The following OTOGL variants were observed in gnomAD, a reference collection of about 807,000 sequenced individuals.
OTOGL encodes the protein otogelin-like protein.
OTOGL carries 285 observed loss-of-function variants against 318.5 expected under a neutral mutation model. The observed-to-expected ratio is 0.89, with a 90% CI of 0.81 to 0.99. The LOEUF (loss-of-function observed/expected upper bound fraction) is 0.99. OTOGL is among the 50% of genes least tolerant of loss of function. The pLI, the probability that OTOGL is intolerant of heterozygous loss-of-function variation, is 0.00. For missense variants in OTOGL, 2,899 were observed against 2,845.6 expected (o/e 1.02, Z -0.43); for synonymous variants, 987 against 936.5 (o/e 1.05, Z -0.99).
chr12:80,136,979 T>C (rs181786351), intron 1 of OTOGL, among the ~76,000 whole-genome samples: 125 of 152,304 alleles, frequency 8.2e-4, no homozygotes, highest in African/African-American at 2.8e-3. Flanking sequence ...CACATGATAG[T>C]GTTAAATAAG....
At chr12:80,312,921 C>T (rs976296867) in intron 30 of OTOGL, among the ~76,000 whole-genome samples, 1 of 152,124 alleles carries the variant, frequency 6.6e-6, no homozygotes, top group African/African-American at 2.4e-5. Flanking sequence ...AAGTGATTCT[C>T]CTGCCTCAGC....
In OTOGL at chr12:80,323,591, G is replaced by C. The variant is rs531514347; in HGVS notation, c.4082-132G>C. 1.3e-5 allele frequency: 9 copies of C among 670,680 alleles called. No individual in the cohort carries two copies. The African/African-American group carries it at 1.4e-4, about 11-fold the overall frequency. The allele number at this position is 670,680 out of a possible 1,614,324, so 41.5% of individuals were successfully genotyped here. On this transcript the variant is annotated intron_variant, in intron 34 of 58. Coordinates refer to ENST00000547103, the MANE Select transcript of OTOGL (RefSeq NM_001378609.3). ...TTGAACCCAGGAGGCAGAGGTTGTG[G>C]TGAATCGAAATAGTGCCACTGCGCT...
At chr12:80,277,798 G>T (rs1363350148) in intron 24 of OTOGL, among the ~76,000 whole-genome samples, 1 of 151,332 alleles carries the variant, frequency 6.6e-6, no homozygotes, top group Non-Finnish European at 1.5e-5. Context: ...AAAATTGTAG[G>T]CCCTATAGAC....
rs1374998739 is a variant in OTOGL, at chr12:80,270,099, T to C, written c.2466-3T>C. ...CATAAATTAACTATTTATTTACTTC[T>C]AGCCAGTGTTCAAATGGGACTGTGA... On this transcript the variant is annotated splice_region_variant and splice_polypyrimidine_tract_variant and intron_variant, in intron 22 of 58. Transcript: ENST00000547103. 4 of 1,593,906 alleles carry C rather than the reference T, an allele frequency of 2.5e-6. No individual in the cohort carries two copies. Among genetic ancestry groups the C allele is most frequent in the Non-Finnish European group, 3.4e-6 (4 of 1,163,526 alleles).
chr12:80,169,110 G>C (rs1375649628), intron 1 of OTOGL, among the ~76,000 whole-genome samples: 4 of 152,130 alleles, frequency 2.6e-5, no homozygotes, highest in Non-Finnish European at 5.9e-5. Context: ...AGTGTACAGT[G>C]TAATATTTCA....
chr12:80,350,329 A>G (rs1462355313), intron 44 of OTOGL, among the ~76,000 whole-genome samples: 1 of 152,154 alleles, frequency 6.6e-6, no homozygotes, highest in African/African-American at 2.4e-5. Flanking sequence ...GGTTGATTCT[A>G]TATTTTGGCT....
At chr12:80,166,452 C>A (rs1211415555) in intron 1 of OTOGL, among the ~76,000 whole-genome samples, 1 of 152,068 alleles carries the variant, frequency 6.6e-6, no homozygotes, top group East Asian at 1.9e-4. Flanking sequence ...GCCAAGTAAA[C>A]CATATTGTCC....
At chr12:80,260,025 C>A (rs1325387848) in intron 18 of OTOGL, among the ~76,000 whole-genome samples, 2 of 151,954 alleles carry the variant, frequency 1.3e-5, no homozygotes, top group Non-Finnish European at 2.9e-5. Flanking sequence ...GGTTTCTTGT[C>A]TTGTTTATCT....
intron 1 of OTOGL, among the ~76,000 whole-genome samples, chr12:80,149,391 G>C (rs944280408): frequency 6.6e-6 from 1 of 152,052 alleles, no homozygotes; most frequent in African/African-American, 2.4e-5. Context: ...GGGGTCAGGG[G>C]TCAGGGACCC....
Position 80,278,228 on chromosome 12 carries a change from T to C in OTOGL, c.2742T>C (p.Asp914=), listed in dbSNP as rs1261928865. 1.9e-6 allele frequency: 3 copies of C among 1,546,962 alleles called. No individual in the cohort carries two copies. Among genetic ancestry groups the C allele is most frequent in the Non-Finnish European group, 2.6e-6 (3 of 1,144,324 alleles). Residue 914 remains aspartate (D), a synonymous_variant, in exon 25 of 59, where the codon GAT becomes GAC. Coordinates refer to ENST00000547103, the MANE Select transcript of OTOGL (RefSeq NM_001378609.3). ...VPESCPCIWK[D]WEYLSGEVIA... is the part of the protein sequence containing the mutation. ...AAAGCTGCCCATGTATTTGGAAAGATTGGGAGTATCTCTCAGGAGAAGTGA... is the reference window on the plus strand; with the variant it reads ...AAAGCTGCCCATGTATTTGGAAAGACTGGGAGTATCTCTCAGGAGAAGTGA...
intron 1 of OTOGL, among the ~76,000 whole-genome samples, chr12:80,204,862 C>T (rs979784525): frequency 2.0e-5 from 3 of 152,058 alleles, no homozygotes; most frequent in Non-Finnish European, 2.9e-5. Flanking sequence ...TAACATGAAG[C>T]TTCCTGGAGC....
At chr12:80,334,344 G>A (rs1001764284) in intron 38 of OTOGL, among the ~76,000 whole-genome samples, 1 of 152,204 alleles carries the variant, frequency 6.6e-6, no homozygotes, top group African/African-American at 2.4e-5. Context: ...GGGAGTGCAT[G>A]TCTGGGATGG....
chr12:80,161,476 G>C (rs932935736), intron 1 of OTOGL, among the ~76,000 whole-genome samples: 3 of 152,076 alleles, frequency 2.0e-5, no homozygotes, highest in Non-Finnish European at 1.5e-5. Flanking sequence ...AGGCTGGCTT[G>C]ATAAGACAAA....
Position 80,279,125 on chromosome 12 carries a change from G to C in OTOGL, c.2887G>C (p.Glu963Gln). The C allele has an allele frequency of 6.3e-7, 1 of 1,594,748 alleles. No individual in the cohort carries two copies. The highest frequency in any genetic ancestry group is 1.1e-5 in the South Asian group (1 of 90,844). Residue 963 changes from glutamate to glutamine, a missense_variant, in exon 26 of 59, where the codon GAA becomes CAA. Around this residue, in one of 3 missense-constraint regions of OTOGL, gnomAD observed 2,607 missense variants for 2,524.9 expected, o/e 1.03. Transcript: ENST00000547103. Reference protein sequence around the residue: ...DRHYYSFDGLEYDYISDCQVF... With the variant: ...DRHYYSFDGLQYDYISDCQVF... The stretch of plus-strand genomic sequence containing the variant: ...ACATTATTATTCTTTTGATGGACTA[G>C]AATATGACTATATCAGTGATTGCCA...
At chr12:80,127,972 G>T (rs1248369279) in intron 1 of OTOGL, among the ~76,000 whole-genome samples, 1 of 152,046 alleles carries the variant, frequency 6.6e-6, no homozygotes, top group Non-Finnish European at 1.5e-5. Context: ...TGACTTCTTT[G>T]CCATGGGTTC....
intron 52 of OTOGL, 185 bp from the exon 53 acceptor site, chr12:80,366,389 C>T (rs1410068009): frequency 2.1e-6 from 1 of 467,814 alleles, no homozygotes; most frequent in Non-Finnish European, 4.2e-6. Flanking sequence ...CCTACAGAAG[C>T]TCAGAATCAA....
At chr12:80,230,265 T>C (rs1391478629) in intron 8 of OTOGL, among the ~76,000 whole-genome samples, 1 of 152,144 alleles carries the variant, frequency 6.6e-6, no homozygotes, top group African/African-American at 2.4e-5. Context: ...GAAAGGGCAG[T>C]GGAAAGAGCA....
chr12:80,305,603 T>G lies in OTOGL; in HGVS notation c.3241T>G (p.Phe1081Val). ...KNKLSGLCGN[F>V]DKCTSNDMTT... ...CAAGCTATCAGGATTGTGTGGAAAC[T>G]TTGACAAATGCACTTCAAATGATAT... The change falls in exon 29 of 59, where the codon TTT becomes GTT. Residue 1081 changes from phenylalanine to valine, a missense_variant. Coordinates refer to ENST00000547103, the MANE Select transcript of OTOGL (RefSeq NM_001378609.3). 6.4e-7 allele frequency: 1 copy of G among 1,571,530 alleles called. No individual in the cohort carries two copies. Among genetic ancestry groups the G allele is most frequent in the Non-Finnish European group, 8.5e-7 (1 of 1,169,888 alleles).
chr12:80,111,447 G>T (rs1194692435), intron 1 of OTOGL, among the ~76,000 whole-genome samples: 1 of 152,160 alleles, frequency 6.6e-6, no homozygotes, highest in African/African-American at 2.4e-5. Context: ...AAGGGGTCCA[G>T]TTTCAGTTTT....
Sources: gnomAD v4.1 joint callset for allele counts (sites outside exome capture counted in the v4.1 genomes callset) on GRCh38, gnomAD v4.1.1 for gene constraint, gnomAD v4.1.1 regional missense constraint, MANE v1.5 for transcripts, NCBI Gene and HGNC (gene_info 2026-07-23, HGNC 2026-07-21) for gene names.